Variants in FBXO40 observed in about 807,000 individuals in gnomAD.
FBXO40 encodes F-box only protein 40.
FBXO40 carries 50 observed loss-of-function variants against 49.9 expected under a neutral mutation model. The ratio of observed to expected loss-of-function variants is 1.00; its 90% confidence interval spans 0.80 to 1.27. FBXO40 has a LOEUF of 1.27. Among genes scored for constraint, FBXO40 ranks in the 50% most tolerant of loss-of-function variants. The probability of loss-of-function intolerance (pLI) is 0.00; values close to 1 mark genes in which losing one functional copy is unlikely to be tolerated. For synonymous variants in FBXO40, 340 were observed against 320.2 expected (o/e 1.06, Z -0.66); for missense variants, 895 against 870.1 (o/e 1.03, Z -0.36).
intron 1 of FBXO40, among the ~76,000 whole-genome samples, chr3:121,601,480 T>C (rs1267500077): frequency 1.3e-5 from 2 of 152,078 alleles, no homozygotes; most frequent in Non-Finnish European, 2.9e-5. Context: ...TGGAGAACAA[T>C]AAGGCTGCAC....
At chr3:121,626,064 A>T (rs2049060387) in intron 3 of FBXO40, among the ~76,000 whole-genome samples, 1 of 152,336 alleles carries the variant, frequency 6.6e-6, no homozygotes, top group East Asian at 1.9e-4. Context: ...CAGAAAATCA[A>T]CCTAAAGTGG....
intron 1 of FBXO40, among the ~76,000 whole-genome samples, chr3:121,614,934 C>T (rs1164449534): frequency 6.6e-6 from 1 of 152,168 alleles, no homozygotes; most frequent in Admixed American, 6.5e-5. Context: ...GAAAGAAGCA[C>T]ATTTGCCAGG....
chr3:121,603,416 G>T (rs1382521603), intron 1 of FBXO40, among the ~76,000 whole-genome samples: 2 of 152,246 alleles, frequency 1.3e-5, no homozygotes, highest in Admixed American at 1.3e-4. Context: ...GCTCTGATGT[G>T]CTCACTAAAG....
At chr3:121,616,158 T>C (rs1420840795) in intron 1 of FBXO40, among the ~76,000 whole-genome samples, 1 of 152,182 alleles carries the variant, frequency 6.6e-6, no homozygotes, top group Non-Finnish European at 1.5e-5. Flanking sequence ...GCCCTGACCC[T>C]GTTTGATGCT....
rs1173480653 is a variant in FBXO40, at chr3:121,622,303, G to A, written c.874G>A (p.Asp292Asn). 1 of 1,614,134 alleles carries A rather than the reference G, an allele frequency of 6.2e-7. No homozygotes were observed. Among genetic ancestry groups the A allele is most frequent in the East Asian group, 2.2e-5 (1 of 44,894 alleles). ...METTGLAPWQDGVLERLKTAV... is the reference protein window; with the variant it reads ...METTGLAPWQNGVLERLKTAV... ...AACCACAGGGCTTGCCCCTTGGCAGGATGGTGTTCTGGAAAGACTGAAAAC... is the reference window on the plus strand; with the variant it reads ...AACCACAGGGCTTGCCCCTTGGCAGAATGGTGTTCTGGAAAGACTGAAAAC... The change falls in exon 3 of 4, where the codon GAT (aspartate) becomes AAT (asparagine). Residue 292 changes from aspartate (D) to asparagine (N), a missense_variant. By Grantham distance (23) the Asp-to-Asn change is conservative. Transcript: ENST00000338040.
At chr3:121,614,778 G>A (rs748370925) in intron 1 of FBXO40, among the ~76,000 whole-genome samples, 16 of 152,166 alleles carry the variant, frequency 1.1e-4, no homozygotes, top group Non-Finnish European at 1.6e-4. Context: ...CTGATGCTGC[G>A]CAGACTGTTT....
At chr3:121,607,133 T>C (rs2048935731) in intron 1 of FBXO40, among the ~76,000 whole-genome samples, 1 of 151,466 alleles carries the variant, frequency 6.6e-6, no homozygotes, top group Non-Finnish European at 1.5e-5. Flanking sequence ...GGCATAGTGG[T>C]GCATGCCTGT....
intron 1 of FBXO40, among the ~76,000 whole-genome samples, chr3:121,594,011 A>C (rs1037789932): frequency 2.0e-5 from 3 of 151,308 alleles, no homozygotes; most frequent in African/African-American, 7.3e-5. Flanking sequence ...GACTACAGGC[A>C]CATGCCACCA....
intron 1 of FBXO40, among the ~76,000 whole-genome samples, chr3:121,604,300 T>A (rs578182100): frequency 1.3e-5 from 2 of 152,236 alleles, no homozygotes; most frequent in East Asian, 3.9e-4. Context: ...TAAGTTGATA[T>A]CCTAAACATA....
At chr3:121,607,608 C>T (rs558497497) in intron 1 of FBXO40, among the ~76,000 whole-genome samples, 9 of 151,850 alleles carry the variant, frequency 5.9e-5, no homozygotes, top group East Asian at 2.0e-4. Flanking sequence ...CGCACCTGGC[C>T]GAGACCTCTA....
intron 1 of FBXO40, among the ~76,000 whole-genome samples, chr3:121,617,382 T>A (rs1019498488): frequency 2.7e-5 from 4 of 146,708 alleles, no homozygotes; most frequent in Non-Finnish European, 6.0e-5. Flanking sequence ...GATCACGAGG[T>A]TAAGAGATCG....
chr3:121,598,948 G>A (rs910014803), intron 1 of FBXO40, among the ~76,000 whole-genome samples: 1 of 152,124 alleles, frequency 6.6e-6, no homozygotes, highest in African/African-American at 2.4e-5. Flanking sequence ...CACACACCTG[G>A]TCCTTCCACC....
intron 1 of FBXO40, among the ~76,000 whole-genome samples, chr3:121,616,937 C>T (rs1352318858): frequency 2.6e-5 from 4 of 152,138 alleles, no homozygotes; most frequent in South Asian, 4.1e-4. Flanking sequence ...CATGTTCTCA[C>T]TCATATGTGA....
rs1342602066 is a variant in FBXO40 at position 121,623,430 on chromosome 3, C to T, written c.1914+87C>T. On this transcript the variant is annotated intron_variant, in intron 3 of 3. Coordinates refer to ENST00000338040, the MANE Select transcript of FBXO40 (RefSeq NM_016298.4). Reference sequence around the variant, plus strand: ...ACAGGTTCTCTCTCTGTTGCCCAGGCAAAAGTGCAGTGGTGCAATCACAGC... The same window carrying T: ...ACAGGTTCTCTCTCTGTTGCCCAGGTAAAAGTGCAGTGGTGCAATCACAGC... The T allele has an allele frequency of 2.6e-6, 3 of 1,161,010 alleles. No individual in the cohort carries two copies. The African/African-American group carries it at 4.6e-5, about 18-fold the overall frequency. The allele number at this position is 1,161,010 out of a possible 1,614,324, so 71.9% of individuals were successfully genotyped here. A position where few individuals can be genotyped will look rare whatever the true frequency, so the allele number is the denominator to read the frequency against.
rs997465761 is a variant in FBXO40, at chr3:121,628,662, G to C, written c.*1752G>C. 1.3e-5 allele frequency: 2 copies of C among 152,200 alleles called. No homozygotes were observed. The highest frequency in any genetic ancestry group is 2.4e-5 in the African/African-American group (1 of 41,442). The allele number at this position is 152,200 out of a possible 1,614,324, so 9.4% of individuals were successfully genotyped here. On this transcript the variant is annotated 3_prime_UTR_variant, in exon 4 of 4. Coordinates refer to ENST00000338040, the MANE Select transcript of FBXO40 (RefSeq NM_016298.4). Reference sequence around the variant, plus strand: ...AAGGATGTCATACTAGTGACAATAAGTTAGGATATGCTTATTTTTTAGTAC... The same window carrying C: ...AAGGATGTCATACTAGTGACAATAACTTAGGATATGCTTATTTTTTAGTAC...
At chr3:121,603,339 CT>C (rs1182722526) in intron 1 of FBXO40, among the ~76,000 whole-genome samples, 2 of 152,244 alleles carry the variant, frequency 1.3e-5, no homozygotes, top group African/African-American at 4.8e-5. Context: ...AGCACTCCAT[CT>C]TTTGTTAGTG....
rs1231263582 is a variant in FBXO40, at chr3:121,622,393, G to A, written c.964G>A (p.Gly322Ser). The A allele has an allele frequency of 6.2e-7, 1 of 1,614,204 alleles. No homozygotes were observed. Among genetic ancestry groups the A allele is most frequent in the South Asian group, 1.1e-5 (1 of 91,068 alleles). ...CAATGGGCGGATGCTGATACACTTT[G>A]GTCAGATGCCTGCTTGTACACCCAA... ...VHNGRMLIHF[G>S]QMPACTPKER... The change falls in exon 3 of 4, where the codon GGT (glycine) becomes AGT (serine). Residue 322 changes from glycine (G) to serine (S), a missense_variant. Physicochemically the swap from Gly to Ser is moderately conservative, Grantham distance 56 (BLOSUM62 0). Transcript: ENST00000338040.
intron 3 of FBXO40, among the ~76,000 whole-genome samples, chr3:121,625,024 T>C (rs1369085025): frequency 6.6e-6 from 1 of 152,254 alleles, no homozygotes; most frequent in African/African-American, 2.4e-5. Context: ...AAAGGCATTT[T>C]GAAATTCTAA....
At chr3:121,609,239 A>C (rs2048951405) in intron 1 of FBXO40, among the ~76,000 whole-genome samples, 1 of 152,102 alleles carries the variant, frequency 6.6e-6, no homozygotes, top group Admixed American at 6.6e-5. Flanking sequence ...TAATAAAAAA[A>C]TTTATAAAAA....
Sources: allele counts gnomAD v4.1 joint callset (sites outside exome capture counted in the v4.1 genomes callset), GRCh38; gene constraint gnomAD v4.1.1; transcripts MANE v1.5; gene names NCBI Gene and HGNC (gene_info 2026-07-23, HGNC 2026-07-21).